Variants in TBL3 observed in about 807,000 individuals in gnomAD.
The protein encoded by TBL3 is transducin beta-like protein 3.
In TBL3, 71 loss-of-function variants were observed where a neutral mutation model predicts 102.7. The ratio of observed to expected loss-of-function variants is 0.69; its 90% CI spans 0.57 to 0.84. The LOEUF is 0.84. Among genes scored for constraint, TBL3 ranks in the 40% least tolerant of loss-of-function variants. The pLI is 0.00. For synonymous variants in TBL3, 578 were observed against 477.7 expected, an observed-to-expected ratio of 1.21 and a Z score of -2.74; for missense variants, 1,188 against 1,098.5, an observed-to-expected ratio of 1.08 and a Z score of -1.15.
intron 1 of TBL3, among the ~76,000 whole-genome samples, 185 bp downstream of exon 1, chr16:1,972,390 G>T (rs1220295474): frequency 6.6e-6 from 1 of 152,236 alleles, no homozygotes; most frequent in African/African-American, 2.4e-5. Flanking sequence ...CTGCTCTCGG[G>T]GAGGACGGCG....
In TBL3 at chr16:1,975,370, C is replaced by T; in HGVS notation, c.737C>T (p.Pro246Leu). The change falls in exon 9 of 22, where the codon CCA becomes CTA. Residue 246 changes from proline to leucine, a missense_variant. Physicochemically the swap from Pro to Leu is moderately conservative, Grantham distance 98. Transcript: ENST00000568546. ...AGCGTGGAGGCTGCTGTGCTGTTGC[C>T]AGAGGAGCCAGTGTCCCAGCTGGGT... ...FESVEAAVLLPEEPVSQLGVK... is the reference protein window; with the variant it reads ...FESVEAAVLLLEEPVSQLGVK... 1 of 1,613,988 alleles carries T rather than the reference C, an allele frequency of 6.2e-7. No individual in the cohort carries two copies. Among genetic ancestry groups the T allele is most frequent in the Non-Finnish European group, 8.5e-7 (1 of 1,180,008 alleles).
Position 1,978,662 on chromosome 16 carries a change from A to G in TBL3, c.2404A>G (p.Thr802Ala), listed in dbSNP as rs1459890719. 2 of 1,611,932 alleles carry G rather than the reference A, an allele frequency of 1.2e-6. No individual in the cohort carries two copies. The highest frequency in any genetic ancestry group is 8.5e-7 in the Non-Finnish European group (1 of 1,179,456). Residue 802 changes from threonine (T) to alanine (A), a missense_variant, in exon 22 of 22, where the codon ACC (threonine) becomes GCC (alanine). By Grantham distance (58) the Thr-to-Ala change is moderately conservative (BLOSUM62 0). Transcript: ENST00000568546. ...VPAAAPTPWE[T>A]HKGALP ...GGCCGCCGCCCCCACCCCCTGGGAA[A>G]CCCATAAAGGCGCACTGCCCTAGCC...
Position 1,980,130 on chromosome 16 carries a change from G to A in TBL3, c.*1445G>A. 6.2e-7 allele frequency: 1 copy of A among 1,606,488 alleles called. No homozygotes were observed. Among genetic ancestry groups the A allele is most frequent in the East Asian group, 2.2e-5 (1 of 44,652 alleles). On this transcript the variant is annotated 3_prime_UTR_variant, in exon 22 of 22. Transcript: ENST00000568546. ...CCTCCAGACTGTGGATGGAGAGGCGGCCCGCAGCGCGAGAAAGAGGCTGCT... is the reference window on the plus strand; with the variant it reads ...CCTCCAGACTGTGGATGGAGAGGCGACCCGCAGCGCGAGAAAGAGGCTGCT...
chr16:1,974,348 G>C, intron 3 of TBL3, 28 bp from the exon 4 acceptor site: 1 of 1,600,176 alleles, frequency 6.2e-7, no homozygotes, highest in South Asian at 1.1e-5. Flanking sequence ...CACTCACACC[G>C]TGCTCGGCAC....
rs2083391097 is a variant in TBL3, at chr16:1,975,209, A to C, written c.658A>C (p.Ile220Leu). The change falls in exon 8 of 22, where the codon ATC becomes CTC. Residue 220 changes from isoleucine (I) to leucine (L), a missense_variant. Ile to Leu is a conservative substitution (Grantham distance 5). Transcript: ENST00000568546. The stretch of plus-strand genomic sequence containing the variant: ...CAGCTCCGGCCGTGACAAGATATGT[A>C]TCATCTGGGACCTTCAGAGCTGCCA... ...MLSSGRDKICIIWDLQSCQAT... is the reference protein window; with the variant it reads ...MLSSGRDKICLIWDLQSCQAT... The C allele has an allele frequency of 6.2e-7, 1 of 1,613,826 alleles. No homozygotes were observed.
At position 1,978,330 on chromosome 16, in the gene TBL3, T is replaced by C. The variant is rs1264561739; in HGVS notation, c.2152T>C (p.Cys718Arg). 4.3e-6 allele frequency: 7 copies of C among 1,610,050 alleles called. No homozygotes were observed. The highest frequency in any genetic ancestry group is 8.5e-7 in the Non-Finnish European group (1 of 1,178,178). Residue 718 changes from cysteine to arginine, a missense_variant, in exon 21 of 22, where the codon TGC becomes CGC. Coordinates refer to ENST00000568546, the MANE Select transcript of TBL3 (RefSeq NM_006453.3). ...GCCCACAGAGGCCCTGCTGCGCTTC[T>C]GCGTCACGTGGAACACCAACTCGCG... Reference protein sequence around the residue: ...RDQKEALLRFCVTWNTNSRHC... With the variant: ...RDQKEALLRFRVTWNTNSRHC...
At position 1,979,272 on chromosome 16, in the gene TBL3, C is replaced by G; in HGVS notation, c.*587C>G. 6.5e-7 allele frequency: 1 copy of G among 1,547,850 alleles called. No individual in the cohort carries two copies. Among genetic ancestry groups the G allele is most frequent in the Non-Finnish European group, 8.7e-7 (1 of 1,154,554 alleles). On this transcript the variant is annotated 3_prime_UTR_variant, in exon 22 of 22. Coordinates refer to ENST00000568546, the MANE Select transcript of TBL3 (RefSeq NM_006453.3). ...CGCCGGGTCGTCTCCTCCACGGAAC[C>G]CCGTCCCGCTCAGGAGAGCGCCCAG...
At chr16:1,972,470 C>T (rs1055506663) in intron 1 of TBL3, among the ~76,000 whole-genome samples, 4 of 152,074 alleles carry the variant, frequency 2.6e-5, no homozygotes, top group Admixed American at 1.3e-4. Context: ...GGAGTGGGGA[C>T]CAGAAGTCCC....
Position 1,979,388 on chromosome 16 carries a change from C to T in TBL3, c.*703C>T, listed in dbSNP as rs2083448694. Reference sequence around the variant, plus strand: ...GGTGTGGTTAGGGCCCCGCCCGCCTCGGCTAGCCTGCCCTGCCCACGCCCG... The same window carrying T: ...GGTGTGGTTAGGGCCCCGCCCGCCTTGGCTAGCCTGCCCTGCCCACGCCCG... On this transcript the variant is annotated 3_prime_UTR_variant, in exon 22 of 22. Transcript: ENST00000568546. 2 of 1,595,770 alleles carry T rather than the reference C, an allele frequency of 1.3e-6. No individual in the cohort carries two copies. The highest frequency in any genetic ancestry group is 4.5e-5 in the East Asian group (2 of 44,204).
chr16:1,978,122 C>T (rs1340320768), intron 19 of TBL3, 27 bp from the exon 20 acceptor site: 3 of 1,611,768 alleles, frequency 1.9e-6, no homozygotes, highest in East Asian at 4.5e-5. Context: ...TCTGCTTTCC[C>T]CAGCTCAGCC....
intron 11 of TBL3, 51 bp downstream of exon 11, chr16:1,976,000 C>T (rs374028409): frequency 2.1e-5 from 34 of 1,613,984 alleles, no homozygotes; most frequent in Non-Finnish European, 2.8e-5. Flanking sequence ...CGGTCCCTTG[C>T]TTGCTTCCCT....
chr16:1,982,634 C>T lies in TBL3; in HGVS notation c.*3949C>T, dbSNP rs2083525043. On this transcript the variant is annotated 3_prime_UTR_variant, in exon 22 of 22. Coordinates refer to ENST00000568546, the MANE Select transcript of TBL3 (RefSeq NM_006453.3). Reference sequence around the variant, plus strand: ...TCCTCACTTGCCCCTACAAAATCCACTCCAAGGACAGACACAGTGCCTCAC... The same window carrying T: ...TCCTCACTTGCCCCTACAAAATCCATTCCAAGGACAGACACAGTGCCTCAC... 6.6e-6 allele frequency: 1 copy of T among 152,332 alleles called. No homozygotes were observed. Among genetic ancestry groups the T allele is most frequent in the Non-Finnish European group, 1.5e-5 (1 of 68,150 alleles). 9.4% of individuals were successfully genotyped at this position (152,332 alleles called of 1,614,324 possible).
chr16:1,980,405 C>A lies in TBL3; in HGVS notation c.*1720C>A, dbSNP rs1480841454. Reference sequence around the variant, plus strand: ...GCGCGGGCTCCAGGTCCAGGGGTTGCGGTGCGAAGAAGCCAGTGATCGTCG... The same window carrying A: ...GCGCGGGCTCCAGGTCCAGGGGTTGAGGTGCGAAGAAGCCAGTGATCGTCG... On this transcript the variant is annotated 3_prime_UTR_variant, in exon 22 of 22. Transcript: ENST00000568546. 4 of 1,602,836 alleles carry A rather than the reference C, an allele frequency of 2.5e-6. No individual in the cohort carries two copies. In the African/African-American group the frequency reaches 4.0e-5, roughly 16 times the overall value.
chr16:1,972,697 T>C (rs971320819), intron 1 of TBL3, among the ~76,000 whole-genome samples: 3 of 152,166 alleles, frequency 2.0e-5, no homozygotes, highest in Non-Finnish European at 4.4e-5. Flanking sequence ...CGAACAGCAG[T>C]GCTGGTGCCC....
At position 1,978,050 on chromosome 16, in the gene TBL3, C is replaced by A. The variant is rs1023563865; in HGVS notation, c.2051C>A (p.Thr684Asn). ...ISLDRPHTVL[T>N]VIQAIRRDPE... ...CTGGATCGGCCCCACACCGTGCTGACTGTCATCCAGGGTCAGTGCCCACCC... is the reference window on the plus strand; with the variant it reads ...CTGGATCGGCCCCACACCGTGCTGAATGTCATCCAGGGTCAGTGCCCACCC... The change falls in exon 19 of 22, where the codon ACT becomes AAT. Residue 684 changes from threonine to asparagine, a missense_variant. Physicochemically the swap from Thr to Asn is moderately conservative, Grantham distance 65 (BLOSUM62 0). Coordinates refer to ENST00000568546, the MANE Select transcript of TBL3 (RefSeq NM_006453.3). The A allele has an allele frequency of 1.0e-5, 16 of 1,604,826 alleles. No homozygotes were observed. The highest frequency in any genetic ancestry group is 1.7e-5 in the Admixed American group (1 of 59,326).
rs1284205038 is a variant in TBL3 at position 1,978,344 on chromosome 16, C to T, written c.2166C>T (p.Asn722=). 6.2e-7 allele frequency: 1 copy of T among 1,610,734 alleles called. No homozygotes were observed. The highest frequency in any genetic ancestry group is 8.5e-7 in the Non-Finnish European group (1 of 1,178,712). The change falls in exon 21 of 22, where the codon AAC becomes AAT. Residue 722 remains asparagine (N), a synonymous_variant. Coordinates refer to ENST00000568546, the MANE Select transcript of TBL3 (RefSeq NM_006453.3). ...TGCTGCGCTTCTGCGTCACGTGGAACACCAACTCGCGGCACTGCCACGAGG... is the reference window on the plus strand; with the variant it reads ...TGCTGCGCTTCTGCGTCACGTGGAATACCAACTCGCGGCACTGCCACGAGG... ...EALLRFCVTW[N]TNSRHCHEAQ...
rs556701886 is a variant in TBL3, at chr16:1,975,897, A to T, written c.1077A>T (p.Leu359=). Reference sequence around the variant, plus strand: ...TCGTGGCCTCCAATAGCCCCTGCCTAAAAGTGTTTGAGCTGCAGACGTCAG... The same window carrying T: ...TCGTGGCCTCCAATAGCCCCTGCCTTAAAGTGTTTGAGCTGCAGACGTCAG... ...HVVVASNSPC[L]KVFELQTSAC... is the part of the protein sequence containing the mutation. Residue 359 remains leucine, a synonymous_variant, in exon 11 of 22, where the codon CTA becomes CTT. Transcript: ENST00000568546. The T allele has an allele frequency of 9.3e-6, 15 of 1,614,058 alleles. No individual in the cohort carries two copies. The Admixed American group carries it at 2.3e-4, about 25-fold the overall frequency.
Position 1,980,075 on chromosome 16 carries a change from A to C in TBL3, c.*1390A>C, listed in dbSNP as rs747608901. 13 of 1,607,892 alleles carry C rather than the reference A, an allele frequency of 8.1e-6. No homozygotes were observed. In the East Asian group the frequency reaches 1.1e-4, roughly 14 times the overall value. On this transcript the variant is annotated 3_prime_UTR_variant, in exon 22 of 22. Transcript: ENST00000568546. ...GGCCTATCCCGCGTGTCCTGGGTAC[A>C]GAAGGGCTGCAGGCAGCGCAGGCTC...
Position 1,982,926 on chromosome 16 carries a change from A to T in TBL3, c.*4241A>T, listed in dbSNP as rs1405054364. On this transcript the variant is annotated 3_prime_UTR_variant, in exon 22 of 22. Coordinates refer to ENST00000568546, the MANE Select transcript of TBL3 (RefSeq NM_006453.3). ...GAACAAGACCCTGTCTCAAAAAAAAAAAAGAAATCCACTCCCCATATGATA... is the reference window on the plus strand; with the variant it reads ...GAACAAGACCCTGTCTCAAAAAAAATAAAGAAATCCACTCCCCATATGATA... 1 of 152,170 alleles carries T rather than the reference A, an allele frequency of 6.6e-6. No homozygotes were observed. The highest frequency in any genetic ancestry group is 1.5e-5 in the Non-Finnish European group (1 of 68,046). The allele number at this position is 152,170 out of a possible 1,614,324, so 9.4% of individuals were successfully genotyped here. A position where few individuals can be genotyped will look rare whatever the true frequency, so the allele number is the denominator to read the frequency against.
Sources: allele counts gnomAD v4.1 joint callset (sites outside exome capture counted in the v4.1 genomes callset), GRCh38; gene constraint gnomAD v4.1.1; transcripts MANE v1.5; gene names NCBI Gene and HGNC (gene_info 2026-07-23, HGNC 2026-07-21).